Variants in CPQ observed in about 807,000 individuals in gnomAD.
CPQ encodes Ser-Met dipeptidase.
Under a neutral mutation model 45.7 loss-of-function variants are expected in CPQ, and 37 were observed. The observed-to-expected ratio is 0.81, with a 90% CI of 0.62 to 1.07. The LOEUF (loss-of-function observed/expected upper bound fraction) is 1.07, where lower values mean the gene tolerates loss of function less well. Ranked by LOEUF, CPQ falls within the 50% of genes least tolerant of loss-of-function variation. CPQ has a pLI of 0.00. For missense variants in CPQ, 537 were observed against 572.9 expected (o/e 0.94, Z 0.64); for synonymous variants, 186 against 205.8 (o/e 0.90, Z 0.82).
chr8:96,671,294 A>G (rs1808999640), intron 1 of CPQ, among the ~76,000 whole-genome samples: 1 of 152,200 alleles, frequency 6.6e-6, no homozygotes, highest in Admixed American at 6.5e-5. Context: ...ACAGAAGCAT[A>G]AGATTTAGAG....
intron 5 of CPQ, among the ~76,000 whole-genome samples, chr8:97,003,620 T>C (rs887400729): frequency 6.6e-6 from 1 of 152,316 alleles, no homozygotes; most frequent in Middle Eastern, 3.4e-3. Context: ...TGACTCAATC[T>C]GGAGTAATAT....
In CPQ at chr8:96,887,595, T is replaced by G. The variant is rs924829637; in HGVS notation, c.849+7590T>G. Among the ~76,000 whole-genome samples, 7 of 37,050 alleles carry G rather than the reference T, an allele frequency of 1.9e-4. No homozygotes were observed. The Admixed American group carries it at 1.9e-3, about 10-fold the overall frequency. 24.3% of individuals were successfully genotyped at this position (37,050 alleles called of 152,430 possible). The stretch of plus-strand genomic sequence containing the variant: ...AGGACAAACTGATCCTAAACTGGAC[T>G]CTCTCTCACCAGTAATGGATTCTCT... On this transcript the variant is annotated intron_variant, in intron 4 of 7. Coordinates refer to ENST00000220763, the MANE Select transcript of CPQ (RefSeq NM_016134.4).
intron 3 of CPQ, among the ~76,000 whole-genome samples, chr8:96,844,370 G>T (rs190431458): frequency 6.6e-6 from 1 of 152,146 alleles, no homozygotes. Flanking sequence ...CTCTTTAGGT[G>T]CCTGGAGAAA....
chr8:96,940,280 G>A (rs183780168), intron 4 of CPQ, among the ~76,000 whole-genome samples: 1 of 152,132 alleles, frequency 6.6e-6, no homozygotes, highest in East Asian at 1.9e-4. Context: ...ACAAATCATG[G>A]TTCATAAAAC....
intron 4 of CPQ, among the ~76,000 whole-genome samples, chr8:96,895,838 C>G (rs1169874343): frequency 2.6e-5 from 4 of 152,154 alleles, no homozygotes; most frequent in Non-Finnish European, 5.9e-5. Flanking sequence ...AATTTAATGT[C>G]ATGTGAATTT....
chr8:96,654,145 A>T (rs1167861455), intron 1 of CPQ, among the ~76,000 whole-genome samples: 2 of 152,178 alleles, frequency 1.3e-5, no homozygotes, highest in Non-Finnish European at 2.9e-5. Flanking sequence ...ATCATAAGGC[A>T]CTGGTTCAGA....
chr8:96,695,363 T>C (rs1280015497), intron 1 of CPQ, among the ~76,000 whole-genome samples: 12 of 143,918 alleles, frequency 8.3e-5, no homozygotes, highest in Non-Finnish European at 1.4e-4. Context: ...GCATTACCAT[T>C]CAGGACATAG....
At chr8:96,896,657 C>T (rs1267088118) in intron 4 of CPQ, among the ~76,000 whole-genome samples, 1 of 152,184 alleles carries the variant, frequency 6.6e-6, no homozygotes, top group East Asian at 1.9e-4. Flanking sequence ...CTTAATTACA[C>T]ACCCATATAC....
intron 1 of CPQ, among the ~76,000 whole-genome samples, chr8:96,667,339 G>C (rs1475218911): frequency 6.6e-6 from 1 of 150,892 alleles, no homozygotes; most frequent in Non-Finnish European, 1.5e-5. Flanking sequence ...TAATTTTCAG[G>C]CTTATCTTTT....
At chr8:96,909,085 G>T (rs1812622026) in intron 4 of CPQ, among the ~76,000 whole-genome samples, 1 of 152,134 alleles carries the variant, frequency 6.6e-6, no homozygotes, top group Admixed American at 6.6e-5. Context: ...AATGAAACAA[G>T]TTGGAATCTG....
At chr8:96,835,892 A>G (rs950731364) in intron 3 of CPQ, among the ~76,000 whole-genome samples, 4 of 152,172 alleles carry the variant, frequency 2.6e-5, no homozygotes, top group Non-Finnish European at 5.9e-5. Context: ...TTTTCTTTGT[A>G]GTTTTGATTG....
intron 7 of CPQ, chr8:97,133,191 C>CAT (rs1720163544): frequency 6.6e-6 from 1 of 152,048 alleles, no homozygotes; most frequent in African/African-American, 2.4e-5. Flanking sequence ...ACTCTCTCTC[C>CAT]ATATATACAT....
In CPQ at chr8:97,043,625, C is replaced by T. The variant is rs559817195; in HGVS notation, c.1053+14131C>T. On this transcript the variant is annotated intron_variant, in intron 6 of 7. Coordinates refer to ENST00000220763, the MANE Select transcript of CPQ (RefSeq NM_016134.4). The stretch of plus-strand genomic sequence containing the variant: ...GGCATGATTTTGCAGTGGCTGCTAC[C>T]GGTTGTTCCTTTCCATGTTTAGTGC... Among the ~76,000 whole-genome samples, 410 of 152,238 alleles carry T rather than the reference C, an allele frequency of 2.7e-3. 2 individuals are homozygous for T. Among genetic ancestry groups the T allele is most frequent in the Non-Finnish European group, 4.6e-3 (313 of 68,014 alleles).
chr8:97,111,139 C>T (rs1047969920), intron 7 of CPQ, among the ~76,000 whole-genome samples: 26 of 152,180 alleles, frequency 1.7e-4, no homozygotes, highest in African/African-American at 6.3e-4. Context: ...TGGGAGCCCA[C>T]CCCTCCAGCC....
chr8:97,055,034 C>T (rs1464473432), intron 6 of CPQ, among the ~76,000 whole-genome samples: 1 of 145,608 alleles, frequency 6.9e-6, no homozygotes, highest in Non-Finnish European at 1.5e-5. Context: ...TAGTTACCCT[C>T]TCACAACACC....
rs1810610985 is a variant in CPQ, at chr8:97,064,816, C to T, written c.1054-1193C>T. ...CTAAATGCAGAACAAGTATTGCTTA[C>T]CCTCCAGTGCCATGCTAGTGATGGT... On this transcript the variant is annotated intron_variant, in intron 6 of 7. Transcript: ENST00000220763. 2.0e-5 allele frequency among the ~76,000 whole-genome samples: 3 copies of T among 152,118 alleles called. No individual in the cohort carries two copies. In the South Asian group the frequency reaches 6.2e-4, roughly 32 times the overall value.
At chr8:97,092,055 G>A (rs1811136051) in intron 7 of CPQ, among the ~76,000 whole-genome samples, 1 of 152,108 alleles carries the variant, frequency 6.6e-6, no homozygotes, top group African/African-American at 2.4e-5. Context: ...ACGTACATAT[G>A]CATTGCATCT....
In CPQ at chr8:96,973,929, A is replaced by C. The variant is rs141304631; in HGVS notation, c.961+7883A>C. 3.1e-3 allele frequency among the ~76,000 whole-genome samples: 465 copies of C among 152,354 alleles called. 1 individual carries two copies. The highest frequency in any genetic ancestry group is 9.6e-3 in the African/African-American group (401 of 41,586). ...AAAATAGAATCTCCTTAAAGCATAA[A>C]TCTCACAGAAACTACAGAACAATAA... On this transcript the variant is annotated intron_variant, in intron 5 of 7. Transcript: ENST00000220763.
Position 96,703,714 on chromosome 8 carries a change from A to G in CPQ, c.-35+58312A>G, listed in dbSNP as rs73277740. Among the ~76,000 whole-genome samples, 1,121 of 152,218 alleles carry G rather than the reference A, an allele frequency of 7.4e-3. 13 individuals carry two copies. Among genetic ancestry groups the G allele is most frequent in the African/African-American group, 0.026 (1,081 of 41,542 alleles). ...TAAGATTAAGGTCCATCTGTTTTGTATAAGAGTCCACTGTTTACTTATCAA... is the reference window on the plus strand; with the variant it reads ...TAAGATTAAGGTCCATCTGTTTTGTGTAAGAGTCCACTGTTTACTTATCAA... On this transcript the variant is annotated intron_variant, in intron 1 of 7. Coordinates refer to ENST00000220763, the MANE Select transcript of CPQ (RefSeq NM_016134.4).
Sources: gnomAD v4.1 joint callset for allele counts (sites outside exome capture counted in the v4.1 genomes callset) on GRCh38, gnomAD v4.1.1 for gene constraint, MANE v1.5 for transcripts, NCBI Gene and HGNC (gene_info 2026-07-23, HGNC 2026-07-21) for gene names.